PLEKHM2: variants seen among roughly 807,000 people sequenced by gnomAD.
PLEKHM2 encodes pleckstrin homology domain-containing family M member 2.
In PLEKHM2, 77 loss-of-function variants were observed where a neutral mutation model predicts 116.3. That is an observed-to-expected ratio of 0.66 (90% CI 0.55 to 0.80). PLEKHM2 has a LOEUF of 0.80. Ranked by LOEUF, PLEKHM2 falls within the 30% of genes least tolerant of loss-of-function variation. PLEKHM2 has a pLI of 0.00. For missense variants in PLEKHM2, 1,183 were observed against 1,354.9 expected, an observed-to-expected ratio of 0.87 and a Z score of 1.99; for synonymous variants, 562 against 571.0, an observed-to-expected ratio of 0.98 and a Z score of 0.22.
chr1:15,686,710 C>G, intron 1 of PLEKHM2, among the ~76,000 whole-genome samples: 1 of 148,870 alleles, frequency 6.7e-6, no homozygotes, highest in East Asian at 1.9e-4. Context: ...ATGCAGTGGC[C>G]TGATCTCCGC....
intron 7 of PLEKHM2, among the ~76,000 whole-genome samples, chr1:15,723,765 AAAAAG>A (rs2068025131): frequency 6.6e-6 from 1 of 151,674 alleles, no homozygotes; most frequent in African/African-American, 2.4e-5. Context: ...AAAAAAAAAA[AAAAAG>A]GACGGTGTGC....
Position 15,728,608 on chromosome 1 carries a change from G to T in PLEKHM2, c.1922-61G>T. 2 of 1,433,594 alleles carry T rather than the reference G, an allele frequency of 1.4e-6. No homozygotes were observed. Among genetic ancestry groups the T allele is most frequent in the Non-Finnish European group, 1.9e-6 (2 of 1,034,496 alleles). The allele number at this position is 1,433,594 out of a possible 1,614,324, so 88.8% of individuals were successfully genotyped here. A position where few individuals can be genotyped will look rare whatever the true frequency, so the allele number is the denominator to read the frequency against. ...GAGAGGGGGCTGTGTCTAAGAAAAT[G>T]GGGCAGGGGGAGGGAAAAGAGGCCT... On this transcript the variant is annotated intron_variant, in intron 11 of 19. Coordinates refer to ENST00000375799, the MANE Select transcript of PLEKHM2 (RefSeq NM_015164.4). This position sits in a 1 kb window ranked among gnomAD's most constrained non-coding sequence, Gnocchi z 5.9.
chr1:15,714,176 G>A (rs745672510), intron 1 of PLEKHM2, among the ~76,000 whole-genome samples: 1 of 151,730 alleles, frequency 6.6e-6, no homozygotes, highest in African/African-American at 2.4e-5. Flanking sequence ...TCCTGACCTC[G>A]TGATCCACCC....
rs1194011372 is a variant in PLEKHM2 at position 15,725,595 on chromosome 1, G to A, written c.941+50G>A. 2.7e-5 allele frequency: 35 copies of A among 1,304,568 alleles called. 2 individuals carry two copies. In the Admixed American group the frequency reaches 5.8e-4, roughly 22 times the overall value. The allele number at this position is 1,304,568 out of a possible 1,614,324, so 80.8% of individuals were successfully genotyped here. On this transcript the variant is annotated intron_variant, in intron 8 of 19. Transcript: ENST00000375799. ...GAGCTGAGGTCCTGGGGTCCAACCT[G>A]TCCACTCCCAGCATCAGCTGTTCAT...
In PLEKHM2 at chr1:15,684,413, G is replaced by T. The variant is rs1251945336; in HGVS notation, c.-146G>T. 2 of 259,154 alleles carry T rather than the reference G, an allele frequency of 7.7e-6. No individual in the cohort carries two copies. The highest frequency in any genetic ancestry group is 1.2e-5 in the Non-Finnish European group (2 of 169,242). The allele number at this position is 259,154 out of a possible 1,614,324, so 16.1% of individuals were successfully genotyped here. ...CCAGGCGAGGCGAGGGCCGGGCGGC[G>T]GGCGCCGGGCCCCGCGGCCGGCACG... is the stretch of plus-strand genomic sequence containing the variant. On this transcript the variant is annotated 5_prime_UTR_variant, in exon 1 of 20. Transcript: ENST00000375799.
chr1:15,690,079 G>GT (rs1173129473), intron 1 of PLEKHM2, among the ~76,000 whole-genome samples: 1 of 133,312 alleles, frequency 7.5e-6, no homozygotes, highest in Non-Finnish European at 1.6e-5. Flanking sequence ...TTTTTGTTTT[G>GT]TTTTTTTGAG....
chr1:15,716,922 A>G, intron 3 of PLEKHM2, 106 bp downstream of exon 3: 1 of 1,393,420 alleles, frequency 7.2e-7, no homozygotes, highest in East Asian at 2.5e-5. Flanking sequence ...TGGGAGGCAA[A>G]TTACCTGGTG....
intron 1 of PLEKHM2, among the ~76,000 whole-genome samples, chr1:15,699,707 G>A (rs1218551165): frequency 6.6e-6 from 1 of 152,132 alleles, no homozygotes; most frequent in African/African-American, 2.4e-5. Flanking sequence ...AAATAGGAGA[G>A]TGGGCCGGGT....
intron 1 of PLEKHM2, among the ~76,000 whole-genome samples, chr1:15,699,463 A>G (rs1015164786): frequency 9.9e-5 from 15 of 152,024 alleles, no homozygotes; most frequent in Non-Finnish European, 2.1e-4. Context: ...TGTCCTTGTG[A>G]TAGTTTGCTC....
chr1:15,684,697 G>GGCGACCCTGCTGCCGCTGGGACTC, intron 1 of PLEKHM2, 79 bp downstream of exon 1: 1 of 795,234 alleles, frequency 1.3e-6, no homozygotes. Context: ...CTCCCGGGCC[G>GGCGACCCTGCTGCCGCTGGGACTC]GGGCCCCCCG....
intron 1 of PLEKHM2, among the ~76,000 whole-genome samples, chr1:15,699,734 A>G (rs1641072630): frequency 6.6e-6 from 1 of 152,142 alleles, no homozygotes; most frequent in South Asian, 2.1e-4. Flanking sequence ...ATAAGGTGGG[A>G]GGATCGCTTG....
chr1:15,722,583 C>G (rs549706658), intron 7 of PLEKHM2: 2 of 152,276 alleles, frequency 1.3e-5, no homozygotes, highest in African/African-American at 2.4e-5. Flanking sequence ...GCTCTCCCCG[C>G]ATTATTAGAG....
At chr1:15,688,170 G>A (rs1347291321) in intron 1 of PLEKHM2, among the ~76,000 whole-genome samples, 6 of 152,116 alleles carry the variant, frequency 3.9e-5, no homozygotes, top group African/African-American at 1.4e-4. Flanking sequence ...TATCCCCAAG[G>A]AGTATTGTTG....
At chr1:15,707,424 A>G (rs1641247998) in intron 1 of PLEKHM2, among the ~76,000 whole-genome samples, 1 of 152,150 alleles carries the variant, frequency 6.6e-6, no homozygotes, top group Admixed American at 6.6e-5. Flanking sequence ...ACCTGTTTCT[A>G]AAAACACTGC....
In PLEKHM2 at chr1:15,725,437, A is replaced by G. The variant is rs770335460; in HGVS notation, c.833A>G (p.Glu278Gly). The change falls in exon 8 of 20, where the codon GAG becomes GGG. Residue 278 changes from glutamate to glycine, a missense_variant. Glu to Gly is a moderately conservative substitution (Grantham distance 98, BLOSUM62 -2). Around this residue, in one of 3 missense-constraint regions of PLEKHM2, gnomAD observed 372 missense variants for 357.2 expected, o/e 1.04. Coordinates refer to ENST00000375799, the MANE Select transcript of PLEKHM2 (RefSeq NM_015164.4). ...RQNPFNEEPA[E>G]TVSSSDTTPV... ...AACCCCTTCAACGAGGAGCCGGCAG[A>G]GACTGTGTCCTCCTCTGACACCACC... 3.2e-6 allele frequency: 5 copies of G among 1,565,554 alleles called. No individual in the cohort carries two copies. In the South Asian group the frequency reaches 5.9e-5, roughly 18 times the overall value.
chr1:15,709,228 A>G (rs1392082748), intron 1 of PLEKHM2, among the ~76,000 whole-genome samples: 1 of 152,222 alleles, frequency 6.6e-6, no homozygotes, highest in Non-Finnish European at 1.5e-5. Flanking sequence ...CCAAAGAGTA[A>G]TTTGGCATAA....
At chr1:15,691,024 C>T (rs1237068491) in intron 1 of PLEKHM2, among the ~76,000 whole-genome samples, 2 of 152,202 alleles carry the variant, frequency 1.3e-5, no homozygotes, top group African/African-American at 2.4e-5. Context: ...ACATTGCATC[C>T]TGCAAGGGAC....
intron 17 of PLEKHM2, 22 bp from the exon 18 acceptor site, chr1:15,732,328 C>T (rs751555269): frequency 1.3e-6 from 2 of 1,542,354 alleles, no homozygotes; most frequent in Non-Finnish European, 1.8e-6. Context: ...CCCAGCCTGC[C>T]TCTCCCCTGC....
chr1:15,689,245 CAA>C (rs34554449), intron 1 of PLEKHM2, among the ~76,000 whole-genome samples: 16 of 95,500 alleles, frequency 1.7e-4, no homozygotes, highest in Admixed American at 6.2e-4. Context: ...AACTCCGTCT[CAA>C]AAAAAAAAAA....
Sources: gnomAD v4.1 joint callset for allele counts (sites outside exome capture counted in the v4.1 genomes callset) on GRCh38, gnomAD v4.1.1 for gene constraint, gnomAD v4.1.1 regional missense constraint, Gnocchi (gnomAD v3.1) non-coding constraint, MANE v1.5 for transcripts, NCBI Gene and HGNC (gene_info 2026-07-23, HGNC 2026-07-21) for gene names.